PARD3B: variants seen among roughly 807,000 people sequenced by gnomAD.
PARD3B encodes par-3 family cell polarity regulator beta, also known as partitioning defective 3 homolog B.
PARD3B carries 103 observed loss-of-function variants against 130.2 expected under a neutral mutation model. That is an observed-to-expected ratio of 0.79 (90% CI 0.67 to 0.93). PARD3B has a LOEUF of 0.93. Among genes scored for constraint, PARD3B ranks in the 40% least tolerant of loss-of-function variants. The pLI is 0.00. For missense variants in PARD3B, 1,609 were observed against 1,499.2 expected, an observed-to-expected ratio of 1.07 and a Z score of -1.21; for synonymous variants, 583 against 553.2, an observed-to-expected ratio of 1.05 and a Z score of -0.76.
At chr2:204,913,491 A>G (rs751353999) in intron 2 of PARD3B, among the ~76,000 whole-genome samples, 2 of 152,180 alleles carry the variant, frequency 1.3e-5, no homozygotes, top group Non-Finnish European at 2.9e-5. Context: ...CACTACAGGA[A>G]ACTCAGAGGG....
chr2:205,322,581 G>A (rs1228315565), intron 18 of PARD3B, among the ~76,000 whole-genome samples: 5 of 152,278 alleles, frequency 3.3e-5, no homozygotes, highest in East Asian at 3.9e-4. Context: ...AACAACACTC[G>A]TGCACATGAC....
chr2:204,851,053 G>A (rs2125605975), intron 2 of PARD3B, among the ~76,000 whole-genome samples: 1 of 152,228 alleles, frequency 6.6e-6, no homozygotes, highest in East Asian at 1.9e-4. Context: ...ATGCTTCTCA[G>A]GTCAGGAAAA....
In PARD3B at chr2:205,250,662, C is replaced by G. The variant is rs138899162; in HGVS notation, c.2185+4840C>G. ...ACTTGATCTCAGCTGGGCATGGTGGCTCACACCTGTAATCCCAGCACTTTG... is the reference window on the plus strand; with the variant it reads ...ACTTGATCTCAGCTGGGCATGGTGGGTCACACCTGTAATCCCAGCACTTTG... On this transcript the variant is annotated intron_variant, in intron 16 of 22. Coordinates refer to ENST00000406610, the MANE Select transcript of PARD3B (RefSeq NM_001302769.2). 2.6e-3 allele frequency among the ~76,000 whole-genome samples: 397 copies of G among 152,294 alleles called. 2 individuals are homozygous for G. Among genetic ancestry groups the G allele is most frequent in the African/African-American group, 9.2e-3 (384 of 41,566 alleles).
At chr2:205,207,658 A>T (rs2037394851) in intron 15 of PARD3B, among the ~76,000 whole-genome samples, 1 of 142,848 alleles carries the variant, frequency 7.0e-6, no homozygotes, top group South Asian at 2.2e-4. Context: ...ATCTCCCAAG[A>T]CTAAACCAGG....
At chr2:205,516,836 T>G (rs1040123182) in intron 21 of PARD3B, among the ~76,000 whole-genome samples, 1 of 152,156 alleles carries the variant, frequency 6.6e-6, no homozygotes, top group African/African-American at 2.4e-5. Context: ...CATTCTTGTC[T>G]TGTGACAGAT....
At chr2:205,605,469 GTT>G (rs2054955585) in intron 22 of PARD3B, among the ~76,000 whole-genome samples, 1 of 152,006 alleles carries the variant, frequency 6.6e-6, no homozygotes, top group African/African-American at 2.4e-5. Context: ...TGTGTGTTTT[GTT>G]TTGTTGTTTT....
At chr2:205,219,793 A>G (rs528952770) in intron 15 of PARD3B, among the ~76,000 whole-genome samples, 1 of 152,326 alleles carries the variant, frequency 6.6e-6, no homozygotes, top group African/African-American at 2.4e-5. Flanking sequence ...AATAAGAAAT[A>G]CCATGGAATG....
intron 1 of PARD3B, among the ~76,000 whole-genome samples, chr2:204,607,946 G>A (rs2033785577): frequency 6.6e-6 from 1 of 152,150 alleles, no homozygotes; most frequent in South Asian, 2.1e-4. Flanking sequence ...TGACAATTTG[G>A]ACATTTAGGA....
chr2:205,062,376 C>T (rs937934740), intron 4 of PARD3B, among the ~76,000 whole-genome samples: 4 of 152,114 alleles, frequency 2.6e-5, no homozygotes, highest in African/African-American at 9.7e-5. Context: ...CACACTTGTT[C>T]CTGGACTGAG....
At position 205,309,006 on chromosome 2, in the gene PARD3B, G is replaced by A. The variant is rs2042283583; in HGVS notation, c.2630+7305G>A. Reference sequence around the variant, plus strand: ...CCCAAGCTACACTGAATTTTCAGCAGATACGTTATCAGAATTTAGCACACT... The same window carrying A: ...CCCAAGCTACACTGAATTTTCAGCAAATACGTTATCAGAATTTAGCACACT... On this transcript the variant is annotated intron_variant, in intron 18 of 22. Transcript: ENST00000406610. This position sits in a 1 kb window ranked among gnomAD's most constrained non-coding sequence, Gnocchi z 4.7. Among the ~76,000 whole-genome samples the A allele has an allele frequency of 6.6e-6, 1 of 152,218 alleles. No individual in the cohort carries two copies. The highest frequency in any genetic ancestry group is 2.4e-5 in the African/African-American group (1 of 41,464).
intron 15 of PARD3B, among the ~76,000 whole-genome samples, chr2:205,228,050 C>G (rs1057011559): frequency 1.3e-5 from 2 of 152,094 alleles, no homozygotes; most frequent in African/African-American, 4.8e-5. Flanking sequence ...TCTTATTGTA[C>G]TGTGTATGTC....
At chr2:205,255,219 C>A (rs939290607) in intron 16 of PARD3B, among the ~76,000 whole-genome samples, 3 of 152,104 alleles carry the variant, frequency 2.0e-5, no homozygotes, top group African/African-American at 7.2e-5. Context: ...GATTGTTTAA[C>A]TTCAAGTGTC....
At chr2:204,710,830 T>C (rs993737857) in intron 2 of PARD3B, among the ~76,000 whole-genome samples, 1 of 152,210 alleles carries the variant, frequency 6.6e-6, no homozygotes, top group African/African-American at 2.4e-5. Context: ...CTCTAATTGC[T>C]GTCACTGACA....
At chr2:204,814,843 T>C (rs2043090996) in intron 2 of PARD3B, among the ~76,000 whole-genome samples, 1 of 151,876 alleles carries the variant, frequency 6.6e-6, no homozygotes, top group African/African-American at 2.4e-5. Flanking sequence ...TTATATGGTT[T>C]TTCTTTTTTG....
intron 22 of PARD3B, among the ~76,000 whole-genome samples, chr2:205,569,919 GAC>G (rs1348900084): frequency 6.6e-6 from 1 of 152,198 alleles, no homozygotes; most frequent in East Asian, 1.9e-4. Context: ...CTGTTGAACT[GAC>G]ACACACACCC....
In PARD3B at chr2:204,669,120, T is replaced by C. The variant is rs1371573984; in HGVS notation, c.121-17061T>C. On this transcript the variant is annotated intron_variant, in intron 1 of 22. Transcript: ENST00000406610. This position sits in a 1 kb window ranked among gnomAD's most constrained non-coding sequence, Gnocchi z 4.3. ...GCCTGCAGAATTAGAAGATAATAAA[T>C]CAGTGTTATTGCAGTCCACTAAGTT... is the stretch of plus-strand genomic sequence containing the variant. Among the ~76,000 whole-genome samples, 1 of 152,144 alleles carries C rather than the reference T, an allele frequency of 6.6e-6. No homozygotes were observed. The highest frequency in any genetic ancestry group is 1.5e-5 in the Non-Finnish European group (1 of 68,012).
intron 2 of PARD3B, among the ~76,000 whole-genome samples, chr2:204,776,149 T>A (rs1244227516): frequency 1.3e-5 from 2 of 152,202 alleles, no homozygotes; most frequent in Non-Finnish European, 2.9e-5. Flanking sequence ...TTAAGGAATA[T>A]TATTGAATGA....
intron 10 of PARD3B, among the ~76,000 whole-genome samples, chr2:205,144,597 A>T (rs1250738279): frequency 6.6e-6 from 1 of 152,214 alleles, no homozygotes; most frequent in East Asian, 1.9e-4. Context: ...TGACAATTTT[A>T]ACAGAGTAAT....
At chr2:204,555,999 A>G (rs757581299) in intron 1 of PARD3B, among the ~76,000 whole-genome samples, 4 of 152,106 alleles carry the variant, frequency 2.6e-5, no homozygotes, top group Non-Finnish European at 5.9e-5. Flanking sequence ...TCTTGTCTCC[A>G]TCACTAGAAT....
Sources: allele counts gnomAD v4.1 joint callset (sites outside exome capture counted in the v4.1 genomes callset), GRCh38; gene constraint gnomAD v4.1.1; non-coding constraint Gnocchi (gnomAD v3.1); transcripts MANE v1.5; gene names NCBI Gene and HGNC (gene_info 2026-07-23, HGNC 2026-07-21).